MATN2: variants seen among roughly 807,000 people sequenced by gnomAD.
The protein encoded by MATN2 is matrilin-2.
MATN2 carries 69 observed loss-of-function variants against 103.2 expected under a neutral mutation model. The observed-to-expected ratio is 0.67, with a 90% CI of 0.55 to 0.82. The LOEUF is 0.82. Among genes scored for constraint, MATN2 ranks in the 40% least tolerant of loss-of-function variants. MATN2 has a pLI of 0.00. For missense variants in MATN2, 1,023 were observed against 1,211.5 expected, an observed-to-expected ratio of 0.84 and a Z score of 2.31; for synonymous variants, 429 against 450.2, an observed-to-expected ratio of 0.95 and a Z score of 0.60.
chr8:98,007,804 T>C lies in MATN2; in HGVS notation c.1573+203T>C, dbSNP rs938960898. 1.8e-4 allele frequency among the ~76,000 whole-genome samples: 28 copies of C among 152,214 alleles called. No individual in the cohort carries two copies. Among genetic ancestry groups the C allele is most frequent in the African/African-American group, 6.8e-4 (28 of 41,452 alleles). ...CCTCAATCTTCCTTCCCCCGTGCCC[T>C]GAAGTGGCTTTTTGCTGTTTCCACC... is the stretch of plus-strand genomic sequence containing the variant. On this transcript the variant is annotated intron_variant, in intron 10 of 18. Coordinates refer to ENST00000254898, the MANE Select transcript of MATN2 (RefSeq NM_002380.5). This position sits in a 1 kb window ranked among gnomAD's most constrained non-coding sequence, Gnocchi z 4.2.
chr8:98,032,135 A>T, intron 15 of MATN2, 111 bp from the exon 16 acceptor site: 1 of 799,136 alleles, frequency 1.3e-6, no homozygotes, highest in East Asian at 2.7e-5. Flanking sequence ...AAACTAAAAA[A>T]CCTTAGGTTA....
rs1226820861 is a variant in MATN2, at chr8:98,005,477, A to T, written c.1328-1628A>T. Among the ~76,000 whole-genome samples, 1 of 152,140 alleles carries T rather than the reference A, an allele frequency of 6.6e-6. No homozygotes were observed. The highest frequency in any genetic ancestry group is 1.5e-5 in the Non-Finnish European group (1 of 68,022). On this transcript the variant is annotated intron_variant, in intron 8 of 18. Coordinates refer to ENST00000254898, the MANE Select transcript of MATN2 (RefSeq NM_002380.5). This position sits in a 1 kb window ranked among gnomAD's most constrained non-coding sequence, Gnocchi z 4.6. The stretch of plus-strand genomic sequence containing the variant: ...GCTGAGCCCACGCAGATCACCAGGG[A>T]CATGGCTTGACTGCCCCTCCCAGCA...
intron 4 of MATN2, among the ~76,000 whole-genome samples, chr8:97,943,512 C>A (rs533190062): frequency 6.6e-6 from 1 of 151,960 alleles, no homozygotes; most frequent in Non-Finnish European, 1.5e-5. Context: ...CTTGCTCTGT[C>A]GTCCAGGCTG....
intron 13 of MATN2, 130 bp from the exon 14 acceptor site, chr8:98,027,286 G>T: frequency 1.5e-6 from 1 of 688,684 alleles, no homozygotes; most frequent in African/African-American, 1.8e-5. Flanking sequence ...CATCTATCCT[G>T]TGTATTATCT....
chr8:97,936,907 A>G (rs1810386942), intron 3 of MATN2, among the ~76,000 whole-genome samples: 1 of 152,204 alleles, frequency 6.6e-6, no homozygotes, highest in Non-Finnish European at 1.5e-5. Flanking sequence ...AAGGTGTTTG[A>G]GATTCTTTTG....
chr8:97,974,539 C>T (rs1408318731), intron 5 of MATN2, among the ~76,000 whole-genome samples: 1 of 152,142 alleles, frequency 6.6e-6, no homozygotes, highest in Non-Finnish European at 1.5e-5. Context: ...CTCCACCTCC[C>T]AGATTCAAAT....
chr8:97,902,877 G>A (rs1419820567), intron 2 of MATN2, among the ~76,000 whole-genome samples: 1 of 152,148 alleles, frequency 6.6e-6, no homozygotes, highest in Non-Finnish European at 1.5e-5. Flanking sequence ...CTGTTTTTAG[G>A]CAGCTTAAGA....
At chr8:97,873,656 G>T (rs1188460161) in intron 1 of MATN2, among the ~76,000 whole-genome samples, 1 of 152,160 alleles carries the variant, frequency 6.6e-6, no homozygotes, top group African/African-American at 2.4e-5. Context: ...AAGACCAAAA[G>T]CTCAAGACCA....
chr8:97,911,438 G>A (rs191951292), intron 2 of MATN2, among the ~76,000 whole-genome samples: 381 of 152,082 alleles, frequency 2.5e-3, no homozygotes, highest in African/African-American at 9.0e-3. Context: ...TCCGGGTGCC[G>A]TGGCTCACAC....
chr8:98,016,529 T>C lies in MATN2; in HGVS notation c.1574-11T>C, dbSNP rs375509205. 2.4e-5 allele frequency: 38 copies of C among 1,602,612 alleles called. No homozygotes were observed. The highest frequency in any genetic ancestry group is 1.3e-4 in the East Asian group (6 of 44,720). On this transcript the variant is annotated splice_polypyrimidine_tract_variant and intron_variant, in intron 10 of 18. Coordinates refer to ENST00000254898, the MANE Select transcript of MATN2 (RefSeq NM_002380.5). The stretch of plus-strand genomic sequence containing the variant: ...CTTCTTCTGTTTCTCTAATTCCCAT[T>C]TGATTCTCAGAATTGGACTCTTGTG...
intron 3 of MATN2, among the ~76,000 whole-genome samples, chr8:97,938,834 C>A (rs1211967990): frequency 2.0e-5 from 3 of 152,094 alleles, no homozygotes; most frequent in Admixed American, 2.0e-4. Flanking sequence ...CTAATCAATA[C>A]GTAGCCTTGT....
intron 2 of MATN2, among the ~76,000 whole-genome samples, chr8:97,896,991 G>T (rs1586388643): frequency 6.6e-6 from 1 of 151,478 alleles, no homozygotes; most frequent in Middle Eastern, 3.5e-3. Flanking sequence ...GGGCTGGGCA[G>T]TGGGATCAGG....
intron 2 of MATN2, among the ~76,000 whole-genome samples, chr8:97,923,688 C>T (rs1809889702): frequency 6.6e-6 from 1 of 152,150 alleles, no homozygotes; most frequent in African/African-American, 2.4e-5. Context: ...TCCCAAGTAG[C>T]TGGGATAACA....
Position 97,890,189 on chromosome 8 carries a change from G to A in MATN2, c.142+1947G>A, listed in dbSNP as rs570146200. On this transcript the variant is annotated intron_variant, in intron 2 of 18. Transcript: ENST00000254898. ...GCTTATGAAAATGGTGGAGTGGGCC[G>A]GACATGGTGGCTCACACCTGCAATC... is the stretch of plus-strand genomic sequence containing the variant. Among the ~76,000 whole-genome samples, 46 of 152,192 alleles carry A rather than the reference G, an allele frequency of 3.0e-4. No individual in the cohort carries two copies. The South Asian group carries it at 8.7e-3, about 29-fold the overall frequency.
chr8:97,993,260 C>G (rs1208938744), intron 6 of MATN2, among the ~76,000 whole-genome samples: 1 of 152,072 alleles, frequency 6.6e-6, no homozygotes, highest in Non-Finnish European at 1.5e-5. Flanking sequence ...ACTGGGAACT[C>G]TCATTTATAC....
intron 15 of MATN2, chr8:98,031,941 A>G (rs546666841): frequency 7.3e-5 from 15 of 206,084 alleles, no homozygotes; most frequent in Non-Finnish European, 1.4e-4. Flanking sequence ...TGCCACTGCA[A>G]CTAAAATCCC....
chr8:97,907,514 G>A (rs1047407134), intron 2 of MATN2, among the ~76,000 whole-genome samples: 1 of 150,916 alleles, frequency 6.6e-6, no homozygotes, highest in African/African-American at 2.4e-5. Flanking sequence ...AGTAGAGATG[G>A]GGTTTCACTG....
At chr8:97,961,696 G>C (rs981565144) in intron 5 of MATN2, among the ~76,000 whole-genome samples, 166 bp downstream of exon 5, 2 of 152,196 alleles carry the variant, frequency 1.3e-5, no homozygotes, top group African/African-American at 4.8e-5. Context: ...AACTTTAAAG[G>C]CTTCATTTAT....
chr8:97,989,727 CCTG>C (rs1812328816), intron 6 of MATN2, among the ~76,000 whole-genome samples: 2 of 151,982 alleles, frequency 1.3e-5, no homozygotes, highest in African/African-American at 4.8e-5. Context: ...TAACAGATAA[CCTG>C]ATCACCTGTG....
Sources: allele counts gnomAD v4.1 joint callset (sites outside exome capture counted in the v4.1 genomes callset), GRCh38; gene constraint gnomAD v4.1.1; non-coding constraint Gnocchi (gnomAD v3.1); transcripts MANE v1.5; gene names NCBI Gene and HGNC (gene_info 2026-07-23, HGNC 2026-07-21).